INVS: variants seen among roughly 807,000 people sequenced by gnomAD.
INVS encodes the protein inversion of embryo turning homolog.
Under a neutral mutation model 108.8 loss-of-function variants are expected in INVS, and 86 were observed. The observed-to-expected ratio is 0.79, with a 90% CI of 0.66 to 0.95. The LOEUF (loss-of-function observed/expected upper bound fraction) is 0.95. Among genes scored for constraint, INVS ranks in the 40% least tolerant of loss-of-function variants. The pLI is 0.00. For synonymous variants in INVS, 455 were observed against 473.5 expected (o/e 0.96, Z 0.51); for missense variants, 1,169 against 1,297.4 (o/e 0.90, Z 1.52).
intron 3 of INVS, among the ~76,000 whole-genome samples, chr9:100,161,310 G>C (rs1829169420): frequency 7.9e-6 from 1 of 126,258 alleles, no homozygotes; most frequent in African/African-American, 3.0e-5. Context: ...CAGGAGACGA[G>C]ATCGCACCAC....
chr9:100,288,163 A>G (rs915141222), intron 13 of INVS, among the ~76,000 whole-genome samples: 35 of 152,280 alleles, frequency 2.3e-4, no homozygotes, highest in African/African-American at 8.2e-4. Context: ...TTAGGGTCTC[A>G]TATTACTCCT....
At chr9:100,148,484 A>G (rs928884623) in intron 3 of INVS, among the ~76,000 whole-genome samples, 2 of 152,190 alleles carry the variant, frequency 1.3e-5, no homozygotes, top group Admixed American at 6.5e-5. Flanking sequence ...AGGGAAAGAG[A>G]TAGACATAAG....
At chr9:100,201,506 G>A (rs1165537667) in intron 3 of INVS, among the ~76,000 whole-genome samples, 1 of 152,212 alleles carries the variant, frequency 6.6e-6, no homozygotes, top group African/African-American at 2.4e-5. Flanking sequence ...CTTAGGTCAA[G>A]TTTTGAGAAT....
intron 3 of INVS, among the ~76,000 whole-genome samples, chr9:100,157,201 A>G (rs926106213): frequency 6.6e-6 from 1 of 151,516 alleles, no homozygotes; most frequent in African/African-American, 2.4e-5. Context: ...TAAAATAACC[A>G]CAGTTATACA....
At chr9:100,254,474 A>G (rs1301135343) in intron 10 of INVS, among the ~76,000 whole-genome samples, 29 of 152,110 alleles carry the variant, frequency 1.9e-4, no homozygotes, top group East Asian at 1.5e-3. Context: ...TGGTGTTTTA[A>G]TCATGAAGTC....
At chr9:100,265,814 C>A (rs930719916) in intron 11 of INVS, among the ~76,000 whole-genome samples, 3 of 152,198 alleles carry the variant, frequency 2.0e-5, no homozygotes, top group Non-Finnish European at 4.4e-5. Flanking sequence ...CGGTGGCTCA[C>A]GCCTGTAATC....
At chr9:100,215,859 C>T (rs1830970638) in intron 3 of INVS, among the ~76,000 whole-genome samples, 1 of 152,188 alleles carries the variant, frequency 6.6e-6, no homozygotes, top group African/African-American at 2.4e-5. Context: ...GACTCCTTCA[C>T]CACAAGAAAA....
chr9:100,260,441 T>C (rs1249866419), intron 10 of INVS, among the ~76,000 whole-genome samples: 2 of 152,160 alleles, frequency 1.3e-5, no homozygotes, highest in Non-Finnish European at 2.9e-5. Flanking sequence ...TCCACCCACC[T>C]TGGCCTCCCA....
intron 10 of INVS, among the ~76,000 whole-genome samples, chr9:100,256,704 G>A (rs1832432243): frequency 6.6e-6 from 1 of 152,168 alleles, no homozygotes. Context: ...AGGTTGTTCA[G>A]TTTCCATGTA....
intron 8 of INVS, among the ~76,000 whole-genome samples, chr9:100,250,279 G>C (rs1832187487): frequency 6.6e-6 from 1 of 152,018 alleles, no homozygotes; most frequent in Admixed American, 6.5e-5. Context: ...CTCTCACCCA[G>C]CTTCAACAAT....
At chr9:100,240,495 A>G (rs1486737134) in intron 6 of INVS, among the ~76,000 whole-genome samples, 4 of 152,184 alleles carry the variant, frequency 2.6e-5, no homozygotes, top group African/African-American at 9.6e-5. Context: ...CAACATGTGA[A>G]TGTAACATAA....
At chr9:100,138,402 G>A (rs371457290) in intron 3 of INVS, among the ~76,000 whole-genome samples, 4 of 151,440 alleles carry the variant, frequency 2.6e-5, no homozygotes, top group Admixed American at 6.6e-5. Context: ...GCGAAATTCC[G>A]TCTCAAAAAA....
chr9:100,173,157 T>G (rs1829597301), intron 3 of INVS, among the ~76,000 whole-genome samples: 1 of 152,176 alleles, frequency 6.6e-6, no homozygotes, highest in Non-Finnish European at 1.5e-5. Flanking sequence ...GTGTAGTAGC[T>G]CCTATTGGAT....
intron 1 of INVS, among the ~76,000 whole-genome samples, chr9:100,100,628 A>T (rs1207652237): frequency 1.3e-5 from 1 of 75,062 alleles, no homozygotes; most frequent in African/African-American, 6.7e-5. Flanking sequence ...ATGTATATAT[A>T]ATATATATAT....
At chr9:100,106,718 C>G (rs1827193427) in intron 2 of INVS, among the ~76,000 whole-genome samples, 1 of 152,118 alleles carries the variant, frequency 6.6e-6, no homozygotes, top group South Asian at 2.1e-4. Flanking sequence ...TTGGTTCTTC[C>G]ATTCTCAACA....
At chr9:100,188,023 A>AT (rs1412430702) in intron 3 of INVS, among the ~76,000 whole-genome samples, 1 of 152,114 alleles carries the variant, frequency 6.6e-6, no homozygotes, top group Non-Finnish European at 1.5e-5. Flanking sequence ...GTGTACATTG[A>AT]TTTTGTAACC....
chr9:100,169,124 A>C (rs1829457712), intron 3 of INVS, among the ~76,000 whole-genome samples: 1 of 152,232 alleles, frequency 6.6e-6, no homozygotes, highest in Admixed American at 6.5e-5. Context: ...TCCCCTGGTC[A>C]TTTAGAAATG....
At position 100,251,400 on chromosome 9, in the gene INVS, T is replaced by C. The variant is rs991231723; in HGVS notation, c.1079-883T>C. Among the ~76,000 whole-genome samples, 4 of 152,174 alleles carry C rather than the reference T, an allele frequency of 2.6e-5. 1 individual carries two copies. Among genetic ancestry groups the C allele is most frequent in the African/African-American group, 7.2e-5 (3 of 41,434 alleles). On this transcript the variant is annotated intron_variant, in intron 8 of 16. Transcript: ENST00000262457. ...TGTTATTGTGGCTAATTCAAACCTA[T>C]AGAGGGATGGCATAAGCCAAGCATT...
Position 100,278,231 on chromosome 9 carries a change from C to CAAAAAAAAAAA in INVS, c.1784+5169_1784+5179dup, listed in dbSNP as rs750217205. Among the ~76,000 whole-genome samples, 83 of 83,108 alleles carry CAAAAAAAAAAA rather than the reference C, an allele frequency of 1.0e-3. 1 individual carries two copies. Among genetic ancestry groups the CAAAAAAAAAAA allele is most frequent in the African/African-American group, 3.8e-3 (79 of 20,748 alleles). The allele number at this position is 83,108 out of a possible 152,430, so 54.5% of individuals were successfully genotyped here. On this transcript the variant is annotated intron_variant, in intron 12 of 16. Transcript: ENST00000262457. ...GAAGACAGAGAGAGAGACCCTGTCT[C>CAAAAAAAAAAA]AAAAAAAAAAAAAAAAAAAAAAAAT...
Sources: gnomAD v4.1 joint callset for allele counts (sites outside exome capture counted in the v4.1 genomes callset) on GRCh38, gnomAD v4.1.1 for gene constraint, MANE v1.5 for transcripts, NCBI Gene and HGNC (gene_info 2026-07-23, HGNC 2026-07-21) for gene names.